CDH2: variants seen among roughly 807,000 people sequenced by gnomAD.
The protein encoded by CDH2 is cadherin 2.
A neutral mutation model predicts 92.0 loss-of-function variants in CDH2; 17 were observed. The ratio of observed to expected loss-of-function variants is 0.18; its 90% CI spans 0.13 to 0.28. The LOEUF (loss-of-function observed/expected upper bound fraction) is 0.28, where lower values mean the gene tolerates loss of function less well. CDH2 is among the 10% of genes least tolerant of loss of function. The pLI is 1.00. For missense variants in CDH2, 862 were observed against 1,133.1 expected, an observed-to-expected ratio of 0.76 and a Z score of 3.44; for synonymous variants, 419 against 415.9, an observed-to-expected ratio of 1.01 and a Z score of -0.09.
chr18:28,102,563 G>T (rs893156584), intron 2 of CDH2, among the ~76,000 whole-genome samples: 2 of 152,254 alleles, frequency 1.3e-5, no homozygotes, highest in African/African-American at 2.4e-5. Flanking sequence ...GGTGCCTTGG[G>T]AAAGAGCAAT....
chr18:28,134,826 G>A (rs1162456930), intron 2 of CDH2, among the ~76,000 whole-genome samples: 1 of 152,188 alleles, frequency 6.6e-6, no homozygotes, highest in African/African-American at 2.4e-5. Context: ...TTCTTGAAAA[G>A]AGGATGGGAA....
Position 28,170,533 on chromosome 18 carries a change from G to C in CDH2, c.60+6430C>G, listed in dbSNP as rs2016449260. ...GCTAATTTTTTGTATTTTTAGTAGA[G>C]ACAGGGTTTCACCGTGTTAGGCAGG... On this transcript the variant is annotated intron_variant, in intron 1 of 15. Transcript: ENST00000269141. Among the ~76,000 whole-genome samples the C allele has an allele frequency of 2.0e-5, 3 of 152,216 alleles. No homozygotes were observed. The South Asian group carries it at 6.2e-4, about 32-fold the overall frequency.
intron 2 of CDH2, among the ~76,000 whole-genome samples, chr18:28,034,968 A>C (rs186497774): frequency 1.3e-5 from 2 of 152,208 alleles, no homozygotes; most frequent in East Asian, 3.9e-4. Context: ...CTAATAAGGA[A>C]TACAAAACAG....
intron 9 of CDH2, among the ~76,000 whole-genome samples, chr18:27,991,440 A>G (rs2012411858): frequency 6.6e-6 from 1 of 152,184 alleles, no homozygotes; most frequent in Admixed American, 6.5e-5. Flanking sequence ...CAAGACAGAA[A>G]AAAAGCCAGA....
rs569499383 is a variant in CDH2, at chr18:28,068,614, A to C, written c.173-54705T>G. ...GATGTATTAACAGTATGACCAAAAG[A>C]GCTTCACTGAGCCTTGTTCGAGACT... is the stretch of plus-strand genomic sequence containing the variant. On this transcript the variant is annotated intron_variant, in intron 2 of 15. Transcript: ENST00000269141. 2.0e-5 allele frequency among the ~76,000 whole-genome samples: 3 copies of C among 152,326 alleles called. No homozygotes were observed. The East Asian group carries it at 5.8e-4, about 29-fold the overall frequency.
At chr18:27,961,133 A>T (rs902513682) in intron 15 of CDH2, among the ~76,000 whole-genome samples, 1 of 152,104 alleles carries the variant, frequency 6.6e-6, no homozygotes, top group Admixed American at 6.6e-5. Flanking sequence ...GTAGGATGAA[A>T]GGCTCTAGAC....
chr18:28,129,105 CT>C (rs2015725662), intron 2 of CDH2, among the ~76,000 whole-genome samples: 2 of 152,194 alleles, frequency 1.3e-5, no homozygotes, highest in Admixed American at 6.5e-5. Flanking sequence ...ATTTTTACCC[CT>C]GATATATGCA....
At chr18:27,990,442 T>C (rs981861123) in intron 9 of CDH2, 92 bp from the exon 10 acceptor site, 26 of 1,246,556 alleles carry the variant, frequency 2.1e-5, no homozygotes, top group Non-Finnish European at 2.8e-5. Context: ...TTCCAAAAAA[T>C]TAATTTCTTC....
At chr18:28,156,854 A>C (rs933659240) in intron 1 of CDH2, among the ~76,000 whole-genome samples, 1 of 151,918 alleles carries the variant, frequency 6.6e-6, no homozygotes, top group African/African-American at 2.4e-5. Context: ...TCACCTTCCC[A>C]GGAGTAGAGC....
chr18:28,055,803 T>C (rs1425649093), intron 2 of CDH2, among the ~76,000 whole-genome samples: 1 of 152,178 alleles, frequency 6.6e-6, no homozygotes, highest in Non-Finnish European at 1.5e-5. Flanking sequence ...ATATTATATT[T>C]GGGTCTATTA....
At chr18:28,051,918 T>C (rs138826974) in intron 2 of CDH2, among the ~76,000 whole-genome samples, 1 of 152,290 alleles carries the variant, frequency 6.6e-6, no homozygotes, top group Non-Finnish European at 1.5e-5. Context: ...ATCATCCAGG[T>C]TGGATAGCTA....
At chr18:28,090,194 T>TTGCATTAGTAATTAGTAA in intron 2 of CDH2, among the ~76,000 whole-genome samples, 1 of 152,330 alleles carries the variant, frequency 6.6e-6, no homozygotes, top group Middle Eastern at 3.4e-3. Flanking sequence ...TAATTGTTCT[T>TTGCATTAGTAATTAGTAA]TTTTGCATCT....
chr18:28,063,297 T>C (rs930153120), intron 2 of CDH2, among the ~76,000 whole-genome samples: 5 of 152,262 alleles, frequency 3.3e-5, no homozygotes, highest in Non-Finnish European at 5.9e-5. Context: ...TATTCACCAA[T>C]TGGTGTTTAA....
downstream of CDH2, among the ~76,000 whole-genome samples, chr18:27,947,655 A>G (rs1020836383): frequency 1.4e-4 from 21 of 147,602 alleles, no homozygotes; most frequent in East Asian, 3.1e-3. Context: ...AGTATGTGAT[A>G]TAAGTATATG....
At chr18:28,067,905 G>A (rs1371958315) in intron 2 of CDH2, among the ~76,000 whole-genome samples, 1 of 152,076 alleles carries the variant, frequency 6.6e-6, no homozygotes, top group Non-Finnish European at 1.5e-5. Context: ...TAGTTATAAT[G>A]AGACAAGACT....
intron 2 of CDH2, among the ~76,000 whole-genome samples, chr18:28,056,632 T>A (rs919039760): frequency 6.6e-6 from 1 of 152,188 alleles, no homozygotes; most frequent in Non-Finnish European, 1.5e-5. Context: ...GTGATCCCAT[T>A]TTGATCAAGT....
intron 2 of CDH2, among the ~76,000 whole-genome samples, chr18:28,137,690 T>A (rs2144308895): frequency 6.6e-6 from 1 of 152,246 alleles, no homozygotes; most frequent in Middle Eastern, 3.4e-3. Context: ...TTTATTGATA[T>A]AAAAGTCCTC....
chr18:28,151,592 T>C (rs1023046119), intron 1 of CDH2, among the ~76,000 whole-genome samples: 6 of 152,146 alleles, frequency 3.9e-5, no homozygotes, highest in African/African-American at 1.4e-4. Flanking sequence ...CTCATCACTC[T>C]TGGAACATCC....
At chr18:28,146,898 G>A (rs2016044058) in intron 2 of CDH2, among the ~76,000 whole-genome samples, 1 of 152,064 alleles carries the variant, frequency 6.6e-6, no homozygotes, top group Non-Finnish European at 1.5e-5. Context: ...ACATTTCAAT[G>A]ACATTTTGCG....
Sources: gnomAD v4.1 joint callset for allele counts (sites outside exome capture counted in the v4.1 genomes callset) on GRCh38, gnomAD v4.1.1 for gene constraint, MANE v1.5 for transcripts, NCBI Gene and HGNC (gene_info 2026-07-23, HGNC 2026-07-21) for gene names.